The following KCNIP4 variants were observed in gnomAD, a reference collection of about 807,000 sequenced individuals.
KCNIP4 encodes potassium voltage-gated channel interacting protein 4.
Under a neutral mutation model 34.0 loss-of-function variants are expected in KCNIP4, and 12 were observed. The observed-to-expected ratio is 0.35, with a 90% CI of 0.23 to 0.57. The LOEUF (loss-of-function observed/expected upper bound fraction) is 0.57. Among genes scored for constraint, KCNIP4 ranks in the 20% least tolerant of loss-of-function variants. The pLI, the probability that KCNIP4 is intolerant of heterozygous loss-of-function variation, is 0.83. For synonymous variants in KCNIP4, 124 were observed against 102.2 expected (o/e 1.21, Z -1.29); for missense variants, 238 against 311.7 (o/e 0.76, Z 1.78).
chr4:21,217,908 T>C (rs758701817), intron 1 of KCNIP4, among the ~76,000 whole-genome samples: 4 of 151,676 alleles, frequency 2.6e-5, no homozygotes, highest in South Asian at 2.1e-4. Context: ...TTTGAAATGA[T>C]ACAGAACTGT....
intron 1 of KCNIP4, among the ~76,000 whole-genome samples, chr4:20,885,398 G>A (rs539077114): frequency 8.3e-5 from 11 of 133,236 alleles, no homozygotes; most frequent in Non-Finnish European, 1.7e-4. Context: ...GAATGGCTTC[G>A]CCCAGACCTG....
chr4:21,242,177 A>C (rs1324439308), intron 1 of KCNIP4, among the ~76,000 whole-genome samples: 1 of 151,448 alleles, frequency 6.6e-6, no homozygotes. Flanking sequence ...AAAAAAAAAA[A>C]AAAAAAAAAG....
chr4:21,377,133 C>A (rs1023528656), intron 1 of KCNIP4, among the ~76,000 whole-genome samples: 7 of 152,144 alleles, frequency 4.6e-5, no homozygotes, highest in African/African-American at 1.7e-4. Context: ...TCACAGAACT[C>A]GCTTAAGTAA....
At chr4:20,910,361 C>T (rs1277439111) in intron 1 of KCNIP4, among the ~76,000 whole-genome samples, 2 of 151,976 alleles carry the variant, frequency 1.3e-5, no homozygotes, top group East Asian at 3.9e-4. Context: ...GTCAACAGTA[C>T]ATGGCCAAGT....
intron 1 of KCNIP4, among the ~76,000 whole-genome samples, chr4:21,208,353 A>G (rs745352191): frequency 6.6e-6 from 1 of 152,154 alleles, no homozygotes; most frequent in Admixed American, 6.5e-5. Flanking sequence ...ACTCTTTCTA[A>G]GATACATCAA....
chr4:21,038,971 G>T (rs763510180), intron 1 of KCNIP4, among the ~76,000 whole-genome samples: 4 of 152,168 alleles, frequency 2.6e-5, no homozygotes, highest in Admixed American at 6.5e-5. Flanking sequence ...TCATTCTCAT[G>T]TTTTTGAGAG....
At chr4:21,031,046 G>A (rs1360804295) in intron 1 of KCNIP4, among the ~76,000 whole-genome samples, 1 of 152,146 alleles carries the variant, frequency 6.6e-6, no homozygotes, top group Non-Finnish European at 1.5e-5. Flanking sequence ...ACAAAAGATA[G>A]GAATTGTCCA....
At chr4:21,188,775 T>C (rs918551700) in intron 1 of KCNIP4, among the ~76,000 whole-genome samples, 4 of 152,218 alleles carry the variant, frequency 2.6e-5, no homozygotes, top group Non-Finnish European at 5.9e-5. Context: ...GGTAATAGAT[T>C]AATTACTAAT....
At chr4:21,206,822 A>G (rs1182757422) in intron 1 of KCNIP4, among the ~76,000 whole-genome samples, 1 of 152,226 alleles carries the variant, frequency 6.6e-6, no homozygotes, top group Non-Finnish European at 1.5e-5. Context: ...CAAGGTCATA[A>G]CACAGCTAGT....
rs191967435 is a variant in KCNIP4, at chr4:20,900,162, C to A, written c.62-17453G>T. 3.4e-3 allele frequency among the ~76,000 whole-genome samples: 518 copies of A among 152,272 alleles called. 3 individuals carry two copies. The highest frequency in any genetic ancestry group is 6.0e-3 in the Non-Finnish European group (407 of 68,016). On this transcript the variant is annotated intron_variant, in intron 1 of 8. Transcript: ENST00000382152. The stretch of plus-strand genomic sequence containing the variant: ...ATTGAATCTATCAGATTCTCCAGCT[C>A]TTCCAGATCTCAATGAAATGGAATA...
At chr4:21,436,339 A>G (rs1726943711) in intron 1 of KCNIP4, among the ~76,000 whole-genome samples, 1 of 152,292 alleles carries the variant, frequency 6.6e-6, no homozygotes, top group East Asian at 1.9e-4. Context: ...TGATAAAGTT[A>G]CTTAGGTTCC....
rs1448687591 is a variant in KCNIP4, at chr4:20,800,751, G to T, written c.289-41861C>A. On this transcript the variant is annotated intron_variant, in intron 3 of 8. Coordinates refer to ENST00000382152, the MANE Select transcript of KCNIP4 (RefSeq NM_025221.6). ...TGACTTAGAGGAAACAAAAGAAAAAGGAATGAAAAAGAGTGAAGATATTCT... is the reference window on the plus strand; with the variant it reads ...TGACTTAGAGGAAACAAAAGAAAAATGAATGAAAAAGAGTGAAGATATTCT... Among the ~76,000 whole-genome samples, 3 of 152,004 alleles carry T rather than the reference G, an allele frequency of 2.0e-5. No individual in the cohort carries two copies. The East Asian group carries it at 5.8e-4, about 29-fold the overall frequency.
chr4:21,152,437 A>G (rs1411039110), intron 1 of KCNIP4, among the ~76,000 whole-genome samples: 4 of 152,036 alleles, frequency 2.6e-5, no homozygotes, highest in African/African-American at 9.7e-5. Flanking sequence ...ACAAAACTCA[A>G]ACAACATAGG....
chr4:21,534,668 G>C lies in KCNIP4; in HGVS notation c.61+413903C>G, dbSNP rs1737003429. 2.0e-5 allele frequency among the ~76,000 whole-genome samples: 3 copies of C among 152,076 alleles called. No homozygotes were observed. In the South Asian group the frequency reaches 6.2e-4, roughly 32 times the overall value. ...CATTTTCAGCCCTCCAGTGCTTCAT[G>C]AAGTACTGTGTTCATGAGGGGCTGC... On this transcript the variant is annotated intron_variant, in intron 1 of 8. Transcript: ENST00000382152.
intron 3 of KCNIP4, among the ~76,000 whole-genome samples, chr4:20,789,763 T>C (rs1036762855): frequency 6.6e-6 from 1 of 151,114 alleles, no homozygotes; most frequent in African/African-American, 2.4e-5. Flanking sequence ...TCATCCTAGA[T>C]CATCCAGGCT....
At chr4:21,355,839 G>A (rs1343945109) in intron 1 of KCNIP4, among the ~76,000 whole-genome samples, 3 of 152,070 alleles carry the variant, frequency 2.0e-5, no homozygotes, top group Non-Finnish European at 4.4e-5. Flanking sequence ...ACATGGCAGA[G>A]ACACAACAAA....
At chr4:21,522,465 C>T (rs1276249191) in intron 1 of KCNIP4, among the ~76,000 whole-genome samples, 4 of 152,002 alleles carry the variant, frequency 2.6e-5, no homozygotes, top group Admixed American at 2.0e-4. Flanking sequence ...CTCCTGGGCT[C>T]AAGCGATCTT....
intron 1 of KCNIP4, among the ~76,000 whole-genome samples, chr4:21,480,572 G>C (rs781187478): frequency 2.0e-5 from 3 of 152,088 alleles, no homozygotes; most frequent in African/African-American, 4.8e-5. Flanking sequence ...GAAACAATGA[G>C]ACAGTTGAAT....
rs113510471 is a variant in KCNIP4, at chr4:21,015,354, A to G, written c.62-132645T>C. Among the ~76,000 whole-genome samples the G allele has an allele frequency of 8.0e-3, 1,111 of 138,946 alleles. 13 individuals carry two copies. The highest frequency in any genetic ancestry group is 0.027 in the African/African-American group (1,008 of 37,882). 91.2% of individuals were successfully genotyped at this position (138,946 alleles called of 152,430 possible). A position where few individuals can be genotyped will look rare whatever the true frequency, so the allele number is the denominator to read the frequency against. ...GAGAGAGCAGATGAGAAACAATGATACTCTATTTTTTTCTTCTCACAATTC... is the reference window on the plus strand; with the variant it reads ...GAGAGAGCAGATGAGAAACAATGATGCTCTATTTTTTTCTTCTCACAATTC... On this transcript the variant is annotated intron_variant, in intron 1 of 8. Transcript: ENST00000382152.
Sources: gnomAD v4.1 joint callset for allele counts (sites outside exome capture counted in the v4.1 genomes callset) on GRCh38, gnomAD v4.1.1 for gene constraint, MANE v1.5 for transcripts, NCBI Gene and HGNC (gene_info 2026-07-23, HGNC 2026-07-21) for gene names.